Variants in TECRL observed in about 807,000 individuals in gnomAD.
TECRL encodes the protein trans-2,3-enoyl-CoA reductase like, also known as trans-2,3-enoyl-CoA reductase-like.
TECRL carries 63 observed loss-of-function variants against 52.8 expected under a neutral mutation model. That is an observed-to-expected ratio of 1.19 (90% CI 0.97 to 1.47). The LOEUF is 1.47. Ranked by LOEUF, TECRL falls within the 40% of genes most tolerant of loss-of-function variation. The probability of loss-of-function intolerance (pLI) is 0.00; values close to 1 mark genes in which losing one functional copy is unlikely to be tolerated. For synonymous variants in TECRL, 164 were observed against 141.9 expected, an observed-to-expected ratio of 1.16 and a Z score of -1.10; for missense variants, 482 against 429.6, an observed-to-expected ratio of 1.12 and a Z score of -1.08.
chr4:64,281,641 C>T, intron 9 of TECRL, 82 bp from the exon 10 acceptor site: 1 of 684,200 alleles, frequency 1.5e-6, no homozygotes, highest in East Asian at 3.0e-5. Flanking sequence ...ACTAAGTTCC[C>T]CAAAATAACT....
At chr4:64,408,972 G>T (rs1724912018) in intron 1 of TECRL, 146 bp downstream of exon 1, 6 of 660,498 alleles carry the variant, frequency 9.1e-6, no homozygotes, top group Non-Finnish European at 1.5e-5. Context: ...CATAAAGTAT[G>T]CATCCTGTTC....
At chr4:64,390,665 A>G (rs1329766014) in intron 1 of TECRL, among the ~76,000 whole-genome samples, 1 of 151,754 alleles carries the variant, frequency 6.6e-6, no homozygotes, top group Non-Finnish European at 1.5e-5. Flanking sequence ...CAGTCCTCTT[A>G]TTAATTATAT....
chr4:64,367,786 T>G (rs1043584232), intron 2 of TECRL, among the ~76,000 whole-genome samples: 3 of 152,150 alleles, frequency 2.0e-5, no homozygotes, highest in African/African-American at 7.2e-5. Context: ...ATTTTTAAAA[T>G]TTTTTCAGTT....
At chr4:64,371,988 T>C (rs1049562900) in intron 2 of TECRL, among the ~76,000 whole-genome samples, 3 of 151,824 alleles carry the variant, frequency 2.0e-5, no homozygotes, top group Non-Finnish European at 4.4e-5. Flanking sequence ...TTTTAAAATA[T>C]CTTTAAAATG....
intron 4 of TECRL, among the ~76,000 whole-genome samples, chr4:64,315,118 A>G (rs1427114923): frequency 6.6e-6 from 1 of 152,110 alleles, no homozygotes; most frequent in East Asian, 1.9e-4. Flanking sequence ...GTCCCTGTCA[A>G]TAAATTGAAT....
chr4:64,385,974 A>G (rs1458006611), intron 1 of TECRL, among the ~76,000 whole-genome samples: 1 of 152,038 alleles, frequency 6.6e-6, no homozygotes, highest in Admixed American at 6.6e-5. Context: ...TTCCTGCTCA[A>G]TTTCAGTGTT....
chr4:64,325,742 C>A (rs911541794), intron 3 of TECRL, among the ~76,000 whole-genome samples: 1 of 152,072 alleles, frequency 6.6e-6, no homozygotes, highest in Non-Finnish European at 1.5e-5. Context: ...CAATATACAT[C>A]TATTAGCACC....
intron 1 of TECRL, among the ~76,000 whole-genome samples, chr4:64,385,700 G>T (rs550198231): frequency 6.6e-6 from 1 of 152,234 alleles, no homozygotes; most frequent in South Asian, 2.1e-4. Context: ...GAGCAGTGCA[G>T]CAGCTAATTT....
At chr4:64,405,790 G>T (rs1008588317) in intron 1 of TECRL, among the ~76,000 whole-genome samples, 2 of 152,048 alleles carry the variant, frequency 1.3e-5, no homozygotes, top group African/African-American at 4.8e-5. Flanking sequence ...AATAAGGAAA[G>T]GGAAAAGCCA....
chr4:64,338,570 T>C (rs1577896975), intron 2 of TECRL, among the ~76,000 whole-genome samples: 1 of 151,780 alleles, frequency 6.6e-6, no homozygotes, highest in Non-Finnish European at 1.5e-5. Context: ...TACAAAGAAC[T>C]CAAACAAATT....
At chr4:64,385,758 T>C (rs1359700982) in intron 1 of TECRL, among the ~76,000 whole-genome samples, 1 of 152,104 alleles carries the variant, frequency 6.6e-6, no homozygotes, top group East Asian at 1.9e-4. Context: ...CTCTCTGGAA[T>C]AATGTCATCG....
chr4:64,306,915 A>G (rs1724373668), intron 6 of TECRL, among the ~76,000 whole-genome samples: 1 of 152,212 alleles, frequency 6.6e-6, no homozygotes, highest in Non-Finnish European at 1.5e-5. Flanking sequence ...ACAAAGTTAC[A>G]GGCTAACATT....
chr4:64,300,457 T>C (rs997975372), intron 7 of TECRL, among the ~76,000 whole-genome samples: 2 of 150,710 alleles, frequency 1.3e-5, no homozygotes, highest in African/African-American at 2.4e-5. Context: ...TTTATATTTT[T>C]ATTATAACAA....
chr4:64,338,448 C>G (rs909780716), intron 2 of TECRL, among the ~76,000 whole-genome samples: 2 of 152,026 alleles, frequency 1.3e-5, no homozygotes, highest in African/African-American at 4.8e-5. Context: ...TAATTAAACT[C>G]AAGAGCTTCT....
chr4:64,340,239 A>G (rs1172584103), intron 2 of TECRL, among the ~76,000 whole-genome samples: 1 of 152,164 alleles, frequency 6.6e-6, no homozygotes, highest in Non-Finnish European at 1.5e-5. Flanking sequence ...TACTGCAGCC[A>G]TCCAAACTGT....
chr4:64,293,587 C>A (rs974904099), intron 8 of TECRL, among the ~76,000 whole-genome samples: 1 of 152,032 alleles, frequency 6.6e-6, no homozygotes, highest in Non-Finnish European at 1.5e-5. Flanking sequence ...TGGAATGATA[C>A]CAATTACCAA....
At chr4:64,300,056 T>C (rs1723925575) in intron 7 of TECRL, 39 bp from the exon 8 acceptor site, 2 of 1,488,782 alleles carry the variant, frequency 1.3e-6, no homozygotes, top group Admixed American at 3.9e-5. Flanking sequence ...CAGATACTCA[T>C]AGTTTGGATT....
rs1722640485 is a variant in TECRL, at chr4:64,278,127, TA to T, written c.*1944del. 1 of 151,148 alleles carries T rather than the reference TA, an allele frequency of 6.6e-6. No individual in the cohort carries two copies. The highest frequency in any genetic ancestry group is 2.1e-4 in the South Asian group (1 of 4,814). The allele number at this position is 151,148 out of a possible 1,614,324, so 9.4% of individuals were successfully genotyped here. A position where few individuals can be genotyped will look rare whatever the true frequency, so the allele number is the denominator to read the frequency against. ...TTTGAAATATATTTCAGAAGATGTA[TA>T]AATATAATTTACATACAAATATAAT... On this transcript the variant is annotated 3_prime_UTR_variant, in exon 12 of 12. Transcript: ENST00000381210.
chr4:64,346,525 TA>T (rs1328249618), intron 2 of TECRL, among the ~76,000 whole-genome samples: 1 of 152,280 alleles, frequency 6.6e-6, no homozygotes, highest in Non-Finnish European at 1.5e-5. Flanking sequence ...CTGCCAAGCC[TA>T]GGGGCTTGCG....
Sources: allele counts gnomAD v4.1 joint callset (sites outside exome capture counted in the v4.1 genomes callset), GRCh38; gene constraint gnomAD v4.1.1; transcripts MANE v1.5; gene names NCBI Gene and HGNC (gene_info 2026-07-23, HGNC 2026-07-21).